The following SASH1 variants were observed in gnomAD, a reference collection of about 807,000 sequenced individuals.
The protein encoded by SASH1 is SAM and SH3 domain containing 1.
In SASH1, 44 loss-of-function variants were observed where a neutral mutation model predicts 125.2. That is an observed-to-expected ratio of 0.35 (90% confidence interval 0.28 to 0.45). The LOEUF is 0.45. Ranked by LOEUF, SASH1 falls within the 20% of genes least tolerant of loss-of-function variation. SASH1 has a pLI of 1.00. For missense variants in SASH1, 1,426 were observed against 1,614.5 expected, an observed-to-expected ratio of 0.88 and a Z score of 2.00; for synonymous variants, 639 against 649.1, an observed-to-expected ratio of 0.98 and a Z score of 0.24.
chr6:148,293,870 A>T (rs558075701), intron 1 of SASH1, among the ~76,000 whole-genome samples: 45 of 152,316 alleles, frequency 3.0e-4, no homozygotes, highest in African/African-American at 1.1e-3. Context: ...CTAGTCTCTC[A>T]CTGGAACTTG....
chr6:148,273,457 C>G (rs533019925), intron 1 of SASH1, among the ~76,000 whole-genome samples: 24 of 151,824 alleles, frequency 1.6e-4, no homozygotes, highest in African/African-American at 5.8e-4. Flanking sequence ...CCATGCCCGG[C>G]TAATTTTTGT....
chr6:148,317,176 T>TA (rs1780497925), intron 1 of SASH1, among the ~76,000 whole-genome samples: 1 of 152,182 alleles, frequency 6.6e-6, no homozygotes, highest in Non-Finnish European at 1.5e-5. Flanking sequence ...ATTGCTTATA[T>TA]TACTGACCAA....
chr6:148,251,977 A>G, the SASH1 span, among the ~76,000 whole-genome samples: 1 of 152,000 alleles, frequency 6.6e-6, no homozygotes, highest in Non-Finnish European at 1.5e-5. Context: ...ATGATGAGGA[A>G]ATGCACATAT....
At chr6:148,407,589 C>G (rs1784426757) in intron 2 of SASH1, among the ~76,000 whole-genome samples, 3 of 152,088 alleles carry the variant, frequency 2.0e-5, no homozygotes, top group Non-Finnish European at 4.4e-5. Context: ...TGGGAATATG[C>G]CTAGAGGTGG....
rs1055870111 is a variant in SASH1 at position 148,350,081 on chromosome 6, G to A, written c.156+6858G>A. On this transcript the variant is annotated intron_variant, in intron 1 of 19. Transcript: ENST00000367467. Reference sequence around the variant, plus strand: ...AGGATGGTCTCGATCTCCTGACCTCGTGATCCACTCACCTCGGCCTCCCAA... The same window carrying A: ...AGGATGGTCTCGATCTCCTGACCTCATGATCCACTCACCTCGGCCTCCCAA... 4.6e-5 allele frequency among the ~76,000 whole-genome samples: 7 copies of A among 152,092 alleles called. No individual in the cohort carries two copies. In the East Asian group the frequency reaches 7.9e-4, roughly 17 times the overall value.
In SASH1 at chr6:148,519,531, G is replaced by C. The variant is rs563124504; in HGVS notation, c.863-16G>C. 2 of 1,600,312 alleles carry C rather than the reference G, an allele frequency of 1.2e-6. No homozygotes were observed. The highest frequency in any genetic ancestry group is 1.1e-5 in the South Asian group (1 of 90,490). On this transcript the variant is annotated splice_polypyrimidine_tract_variant and intron_variant, in intron 9 of 19. Coordinates refer to ENST00000367467, the MANE Select transcript of SASH1 (RefSeq NM_015278.5). The surrounding 1 kb of genome is among the most constrained non-coding windows in gnomAD (Gnocchi z 4.8). ...CAAAGGTGTGTTCACAAGAGACTCT[G>C]TTGGTTTCCCTCCAGGTGGGGAGGA...
intron 1 of SASH1, among the ~76,000 whole-genome samples, chr6:148,387,689 TTTCG>T (rs1313399324): frequency 7.7e-6 from 1 of 129,114 alleles, no homozygotes; most frequent in Non-Finnish European, 1.6e-5. Flanking sequence ...TCTTTCTTTC[TTTCG>T]GCATCCTTAG....
At chr6:148,256,058 G>C in the SASH1 span, among the ~76,000 whole-genome samples, 1 of 152,078 alleles carries the variant, frequency 6.6e-6, no homozygotes, top group Non-Finnish European at 1.5e-5. Flanking sequence ...TTTTGTCATG[G>C]CCTCAATTAT....
At chr6:148,512,929 A>AT in intron 8 of SASH1, 1 of 985,416 alleles carries the variant, frequency 1.0e-6, no homozygotes, top group South Asian at 4.7e-5. Context: ...AGAAAGTACC[A>AT]TGGCTCCATG....
At chr6:148,432,679 T>G (rs1404818400) in intron 2 of SASH1, among the ~76,000 whole-genome samples, 1 of 152,204 alleles carries the variant, frequency 6.6e-6, no homozygotes, top group Non-Finnish European at 1.5e-5. Context: ...AGAAGGGGGA[T>G]TTGTCCCTCC....
At position 148,495,536 on chromosome 6, in the gene SASH1, C is replaced by T. The variant is rs141959441; in HGVS notation, c.729+7821C>T. On this transcript the variant is annotated intron_variant, in intron 8 of 19. Coordinates refer to ENST00000367467, the MANE Select transcript of SASH1 (RefSeq NM_015278.5). The surrounding 1 kb of genome is among the most constrained non-coding windows in gnomAD (Gnocchi z 4.0). ...TATTTTTACATTTCAAAGGTGTTAA[C>T]ATATAAACCTATATCATTAGCTTCA... Among the ~76,000 whole-genome samples the T allele has an allele frequency of 0.01, 1,540 of 152,224 alleles. 32 individuals are homozygous for T. The highest frequency in any genetic ancestry group is 0.036 in the African/African-American group (1,483 of 41,518).
intron 2 of SASH1, among the ~76,000 whole-genome samples, chr6:148,396,260 C>CT (rs1208286672): frequency 1.3e-5 from 2 of 152,074 alleles, no homozygotes; most frequent in African/African-American, 4.8e-5. Flanking sequence ...GGGCAGATCA[C>CT]TTGAGGTCAG....
chr6:148,247,233 T>C, the SASH1 span, among the ~76,000 whole-genome samples: 1 of 152,102 alleles, frequency 6.6e-6, no homozygotes, highest in African/African-American at 2.4e-5. Context: ...CCCTGAGAAA[T>C]AGAACTGCCC....
intron 7 of SASH1, among the ~76,000 whole-genome samples, chr6:148,484,672 G>C (rs1173826933): frequency 6.6e-6 from 1 of 151,860 alleles, no homozygotes; most frequent in African/African-American, 2.4e-5. Flanking sequence ...CAGGTGCGGC[G>C]GCTCACACCT....
the SASH1 span, among the ~76,000 whole-genome samples, chr6:148,212,754 T>G: frequency 6.6e-6 from 1 of 152,232 alleles, no homozygotes; most frequent in South Asian, 2.1e-4. Flanking sequence ...TTATCTCATT[T>G]AATCCCCACA....
intron 1 of SASH1, among the ~76,000 whole-genome samples, chr6:148,332,572 G>A (rs1262238140): frequency 6.7e-6 from 1 of 149,668 alleles, no homozygotes; most frequent in African/African-American, 2.5e-5. Context: ...TTAAAACCAA[G>A]TATCTCAAAT....
intron 5 of SASH1, 109 bp downstream of exon 5, chr6:148,468,694 A>G: frequency 2.9e-6 from 2 of 700,602 alleles, no homozygotes; most frequent in Non-Finnish European, 4.7e-6. Flanking sequence ...TCAGAAATAA[A>G]CACTGTTAAG....
chr6:148,297,408 A>G lies in SASH1; in HGVS notation n.74+25031A>G, dbSNP rs140341820. 2.0e-5 allele frequency among the ~76,000 whole-genome samples: 3 copies of G among 152,366 alleles called. No individual in the cohort carries two copies. In the East Asian group the frequency reaches 5.8e-4, roughly 29 times the overall value. ...GTGACAACACTTTAAGATGAGAACA[A>G]TGATACTAACTTTGAAACTAGGATT... On this transcript the variant is annotated intron_variant and non_coding_transcript_variant, in intron 1 of 3. Coordinates refer to the SASH1 transcript ENST00000367469.
the SASH1 span, among the ~76,000 whole-genome samples, chr6:148,219,526 C>T: frequency 3.5e-4 from 54 of 152,330 alleles, no homozygotes; most frequent in Non-Finnish European, 8.8e-5. Flanking sequence ...TAACACGCCT[C>T]ATGATTCTCA....
Sources: gnomAD v4.1 joint callset for allele counts (sites outside exome capture counted in the v4.1 genomes callset) on GRCh38, gnomAD v4.1.1 for gene constraint, Gnocchi (gnomAD v3.1) non-coding constraint, MANE v1.5 for transcripts, NCBI Gene and HGNC (gene_info 2026-07-23, HGNC 2026-07-21) for gene names.